The following NRP2 variants were observed in gnomAD, a reference collection of about 807,000 sequenced individuals.
The protein encoded by NRP2 is neuropilin-2.
A neutral mutation model predicts 110.4 loss-of-function variants in NRP2; 52 were observed. The observed-to-expected ratio is 0.47, with a 90% CI of 0.38 to 0.59. NRP2 has a LOEUF of 0.59. Ranked by LOEUF, NRP2 falls within the 20% of genes least tolerant of loss-of-function variation. The pLI, the probability that NRP2 is intolerant of heterozygous loss-of-function variation, is 0.00. For missense variants in NRP2, 1,049 were observed against 1,203.0 expected, an observed-to-expected ratio of 0.87 and a Z score of 1.89; for synonymous variants, 508 against 468.9, an observed-to-expected ratio of 1.08 and a Z score of -1.08.
At chr2:205,739,423 C>T (rs2057400781) in intron 7 of NRP2, among the ~76,000 whole-genome samples, 1 of 152,072 alleles carries the variant, frequency 6.6e-6, no homozygotes, top group African/African-American at 2.4e-5. Context: ...TACCAGTTTC[C>T]CCAGTTCTCT....
At chr2:205,746,836 G>A (rs1478024647) in intron 10 of NRP2, among the ~76,000 whole-genome samples, 2 of 152,238 alleles carry the variant, frequency 1.3e-5, no homozygotes, top group Non-Finnish European at 2.9e-5. Context: ...GAAAAATGCT[G>A]CCTGTATGCT....
At chr2:205,770,968 C>T (rs1210825308) in intron 15 of NRP2, among the ~76,000 whole-genome samples, 2 of 152,314 alleles carry the variant, frequency 1.3e-5, no homozygotes, top group African/African-American at 4.8e-5. Flanking sequence ...CATCAGTTTA[C>T]CACTCATGTA....
In NRP2 at chr2:205,683,032, TG is replaced by T. The variant is rs2056049868; in HGVS notation, c.-258del. The T allele has an allele frequency of 3.9e-6, 2 of 509,800 alleles. No individual in the cohort carries two copies. Among genetic ancestry groups the T allele is most frequent in the South Asian group, 4.4e-5 (2 of 45,846 alleles). 31.6% of individuals were successfully genotyped at this position (509,800 alleles called of 1,614,324 possible). A position where few individuals can be genotyped will look rare whatever the true frequency, so the allele number is the denominator to read the frequency against. On this transcript the variant is annotated 5_prime_UTR_variant, in exon 1 of 17. The change creates a premature stop within an existing upstream ORF in the 5' untranslated region. Transcript: ENST00000357785. ...AACTGGAGAGAACATATATGCGTTT[TG>T]TTTTTAAGAGGAAAACCGTGTTCTC... is the stretch of plus-strand genomic sequence containing the variant.
chr2:205,698,715 C>G (rs542154400), intron 2 of NRP2, among the ~76,000 whole-genome samples: 29 of 152,304 alleles, frequency 1.9e-4, no homozygotes, highest in Non-Finnish European at 3.7e-4. Flanking sequence ...AAGAATGTGC[C>G]AACAGTCATA....
At chr2:205,794,037 C>A (rs1264631730) in intron 16 of NRP2, among the ~76,000 whole-genome samples, 1 of 152,152 alleles carries the variant, frequency 6.6e-6, no homozygotes, top group Non-Finnish European at 1.5e-5. Context: ...ACAAGGCCAT[C>A]CTAGGTGCTG....
chr2:205,723,696 T>C (rs768044236), intron 4 of NRP2, 89 bp from the exon 5 acceptor site: 26 of 1,325,612 alleles, frequency 2.0e-5, no homozygotes, highest in African/African-American at 2.9e-5. Context: ...CTCCACTGAA[T>C]GAAATGCAAT....
chr2:205,694,192 A>C (rs1238101347), intron 1 of NRP2, among the ~76,000 whole-genome samples: 1 of 152,256 alleles, frequency 6.6e-6, no homozygotes, highest in African/African-American at 2.4e-5. Flanking sequence ...AGAAGGAGAA[A>C]AAGAGCAAGA....
Position 205,749,766 on chromosome 2 carries a change from A to G in NRP2, c.1828A>G (p.Ser610Gly), listed in dbSNP as rs200406312. 1.9e-6 allele frequency: 3 copies of G among 1,614,070 alleles called. No individual in the cohort carries two copies. The highest frequency in any genetic ancestry group is 1.1e-5 in the South Asian group (1 of 91,092). Reference protein sequence around the residue: ...TVETLGPTVKSEETTTPYPTE... With the variant: ...TVETLGPTVKGEETTTPYPTE... ...AGAGACGCTGGGACCCACTGTGAAG[A>G]GCGAAGAGACAACCACCCCCTACCC... Residue 610 changes from serine to glycine, a missense_variant, in exon 11 of 17, where the codon AGC (serine) becomes GGC (glycine). Coordinates refer to ENST00000357785, the MANE Select transcript of NRP2 (RefSeq NM_003872.3).
At chr2:205,704,576 G>A (rs2056634753) in intron 2 of NRP2, among the ~76,000 whole-genome samples, 1 of 152,094 alleles carries the variant, frequency 6.6e-6, no homozygotes, top group Non-Finnish European at 1.5e-5. Context: ...TTGACCACAG[G>A]GTCCACCCAG....
Position 205,745,790 on chromosome 2 carries a change from G to A in NRP2, c.1686G>A (p.Arg562=). The A allele has an allele frequency of 1.9e-6, 3 of 1,614,242 alleles. No individual in the cohort carries two copies. Among genetic ancestry groups the A allele is most frequent in the Non-Finnish European group, 2.5e-6 (3 of 1,180,042 alleles). The change falls in exon 10 of 17, where the codon AGG becomes AGA. Residue 562 remains arginine (R), a synonymous_variant. Transcript: ENST00000357785. ...NMHYDTPDIR[R]FDPIPAQYVR... is the part of the protein sequence containing the mutation. Reference sequence around the variant, plus strand: ...ACTATGACACCCCTGACATCCGAAGGTTTGACCCCATTCCGGCACAGTATG... The same window carrying A: ...ACTATGACACCCCTGACATCCGAAGATTTGACCCCATTCCGGCACAGTATG...
In NRP2 at chr2:205,795,239, G is replaced by A. The variant is rs559106712; in HGVS notation, c.*181G>A. On this transcript the variant is annotated 3_prime_UTR_variant, in exon 17 of 17. Transcript: ENST00000357785. ...AGGAAGGGAGATGCAGCCGCACAGG[G>A]GATGATTACCCTCCTAGGACCGCGG... 8 of 695,108 alleles carry A rather than the reference G, an allele frequency of 1.2e-5. No homozygotes were observed. Among genetic ancestry groups the A allele is most frequent in the Admixed American group, 1.1e-4 (5 of 46,912 alleles). The allele number at this position is 695,108 out of a possible 1,614,324, so 43.1% of individuals were successfully genotyped here.
chr2:205,748,081 G>A (rs1033555041), intron 10 of NRP2, among the ~76,000 whole-genome samples: 3 of 152,180 alleles, frequency 2.0e-5, no homozygotes, highest in South Asian at 2.1e-4. Flanking sequence ...GGTGCCCGCC[G>A]TTCCTCCACT....
At chr2:205,783,187 C>T (rs1462554955) in intron 15 of NRP2, among the ~76,000 whole-genome samples, 7 of 152,156 alleles carry the variant, frequency 4.6e-5, no homozygotes, top group African/African-American at 1.7e-4. Flanking sequence ...TAATTTTAAA[C>T]TCAGGGAGTG....
At chr2:205,700,557 A>G (rs1177007950) in intron 2 of NRP2, 2 of 338,618 alleles carry the variant, frequency 5.9e-6, no homozygotes, top group African/African-American at 4.3e-5. Context: ...GGGCCCTGAT[A>G]TGAAAGAATT....
At chr2:205,713,516 A>G (rs184254348) in intron 2 of NRP2, among the ~76,000 whole-genome samples, 5 of 152,220 alleles carry the variant, frequency 3.3e-5, no homozygotes, top group Admixed American at 6.5e-5. Context: ...CCTACCACCC[A>G]TGTCTGTCGC....
chr2:205,746,162 C>A (rs1032250071), intron 10 of NRP2, among the ~76,000 whole-genome samples: 2 of 152,190 alleles, frequency 1.3e-5, no homozygotes, highest in African/African-American at 4.8e-5. Context: ...ACACACCACC[C>A]ACCCAAATTC....
At chr2:205,688,705 A>G (rs1455975129) in intron 1 of NRP2, among the ~76,000 whole-genome samples, 4 of 152,218 alleles carry the variant, frequency 2.6e-5, no homozygotes, top group African/African-American at 7.2e-5. Flanking sequence ...GACCTTTGGC[A>G]GACCAGCTGT....
intron 12 of NRP2, among the ~76,000 whole-genome samples, chr2:205,755,017 G>C (rs951305088): frequency 6.6e-6 from 1 of 152,072 alleles, no homozygotes; most frequent in African/African-American, 2.4e-5. Context: ...AGGCCACAAG[G>C]CCACCAATTA....
intron 2 of NRP2, among the ~76,000 whole-genome samples, chr2:205,715,837 G>C (rs1048783911): frequency 6.6e-6 from 1 of 152,170 alleles, no homozygotes; most frequent in Non-Finnish European, 1.5e-5. Context: ...ATGTCACAGA[G>C]CTAAGAAGGA....
Sources: allele counts gnomAD v4.1 joint callset (sites outside exome capture counted in the v4.1 genomes callset), GRCh38; gene constraint gnomAD v4.1.1; transcripts MANE v1.5; gene names NCBI Gene and HGNC (gene_info 2026-07-23, HGNC 2026-07-21).